The following RIMKLB variants were observed in gnomAD, a reference collection of about 807,000 sequenced individuals.
RIMKLB encodes ribosomal modification protein rimK like family member B.
RIMKLB carries 7 observed loss-of-function variants against 32.0 expected under a neutral mutation model. The observed-to-expected ratio is 0.22, with a 90% confidence interval of 0.12 to 0.41. The LOEUF is 0.41. Ranked by LOEUF, RIMKLB falls within the 10% of genes least tolerant of loss-of-function variation. The pLI, the probability that RIMKLB is intolerant of heterozygous loss-of-function variation, is 1.00. For missense variants in RIMKLB, 289 were observed against 498.7 expected (o/e 0.58, Z 4.00); for synonymous variants, 172 against 185.1 (o/e 0.93, Z 0.57).
chr12:8,692,763 A>G (rs1250756538), upstream of RIMKLB, among the ~76,000 whole-genome samples: 1 of 152,208 alleles, frequency 6.6e-6, no homozygotes, highest in Non-Finnish European at 1.5e-5. Flanking sequence ...AGGCTAGATC[A>G]GTGTTTAGCT....
chr12:8,702,438 A>G (rs1350187176), intron 1 of RIMKLB, among the ~76,000 whole-genome samples: 1 of 152,242 alleles, frequency 6.6e-6, no homozygotes, highest in Non-Finnish European at 1.5e-5. Context: ...GACAAAACAG[A>G]TTCAAACTTG....
At chr12:8,754,124 A>G in intron 5 of RIMKLB, 31 bp downstream of exon 5, 1 of 1,489,744 alleles carries the variant, frequency 6.7e-7, no homozygotes, top group South Asian at 1.1e-5. Flanking sequence ...TTTCTAGTAT[A>G]TAAAGTAACA....
intron 2 of RIMKLB, among the ~76,000 whole-genome samples, chr12:8,738,736 A>AC (rs1355647429): frequency 6.6e-6 from 1 of 152,116 alleles, no homozygotes; most frequent in East Asian, 1.9e-4. Context: ...GAGGAGTGAT[A>AC]CCCCCCGTCC....
At chr12:8,735,631 A>G (rs903179305) in intron 2 of RIMKLB, among the ~76,000 whole-genome samples, 10 of 152,106 alleles carry the variant, frequency 6.6e-5, no homozygotes, top group African/African-American at 2.4e-4. Context: ...TGGGTCAAAA[A>G]TTTTAAAACT....
chr12:8,779,952 A>G (rs1950937455), downstream of RIMKLB: 1 of 152,188 alleles, frequency 6.6e-6, no homozygotes, highest in South Asian at 2.1e-4. Context: ...TTTTTAAAAG[A>G]CTTAATGAAT....
At chr12:8,754,183 TTAA>T in intron 5 of RIMKLB, 90 bp downstream of exon 5, 2 of 940,484 alleles carry the variant, frequency 2.1e-6, no homozygotes, top group South Asian at 1.4e-5. Context: ...CTAGACCTTC[TTAA>T]TAAGTTGAAA....
Position 8,715,228 on chromosome 12 carries a change from C to CTTTTTTTTTTTTTT in RIMKLB, c.175+1192_175+1205dup, listed in dbSNP as rs61677474. On this transcript the variant is annotated intron_variant, in intron 2 of 5. Transcript: ENST00000535829. ...GCTTAAATGGATAAGTGCTCTTGTT[C>CTTTTTTTTTTTTTT]TTTTTTTTTTTTTTTTTTGGAGACA... 1.9e-4 allele frequency among the ~76,000 whole-genome samples: 24 copies of CTTTTTTTTTTTTTT among 123,736 alleles called. 1 individual carries two copies. Among genetic ancestry groups the CTTTTTTTTTTTTTT allele is most frequent in the African/African-American group, 7.6e-4 (23 of 30,318 alleles). 81.2% of individuals were successfully genotyped at this position (123,736 alleles called of 152,430 possible).
At chr12:8,683,787 G>T (rs908818143) in intron 1 of RIMKLB, among the ~76,000 whole-genome samples, 1 of 151,962 alleles carries the variant, frequency 6.6e-6, no homozygotes, top group South Asian at 2.1e-4. Context: ...CGCTCCTGCC[G>T]CCCAGGCTAG....
intron 1 of RIMKLB, among the ~76,000 whole-genome samples, chr12:8,690,800 G>A (rs1360373088): frequency 6.6e-6 from 1 of 152,196 alleles, no homozygotes; most frequent in Non-Finnish European, 1.5e-5. Context: ...GTGCATGCCT[G>A]TAATCCTAGC....
chr12:8,698,507 C>T (rs1287520746), intron 1 of RIMKLB, among the ~76,000 whole-genome samples: 1 of 152,034 alleles, frequency 6.6e-6, no homozygotes, highest in African/African-American at 2.4e-5. Context: ...CGGGGCCCGG[C>T]CTTCGCGCGT....
intron 1 of RIMKLB, among the ~76,000 whole-genome samples, chr12:8,703,296 A>AG: frequency 6.6e-6 from 1 of 152,066 alleles, no homozygotes; most frequent in African/African-American, 2.4e-5. Context: ...AAAAAAGAAA[A>AG]AGAAAAGAAA....
downstream of RIMKLB, among the ~76,000 whole-genome samples, chr12:8,782,183 AT>A (rs1951119663): frequency 6.6e-6 from 1 of 152,092 alleles, no homozygotes; most frequent in Non-Finnish European, 1.5e-5. Context: ...TTTTTCTGTA[AT>A]TTATTGTTAA....
intron 4 of RIMKLB, among the ~76,000 whole-genome samples, chr12:8,753,347 A>G (rs113753528): frequency 0.01 from 1,530 of 152,286 alleles, 22 homozygotes; most frequent in Middle Eastern, 0.02. Context: ...AGTGACATAG[A>G]TTCAGTATCC....
chr12:8,726,541 G>GTAGCATGGTATATC (rs1024952419), intron 2 of RIMKLB, among the ~76,000 whole-genome samples: 1 of 151,954 alleles, frequency 6.6e-6, no homozygotes, highest in Non-Finnish European at 1.5e-5. Context: ...TTTGGTTAGT[G>GTAGCATGGTATATC]TAGCATGGTA....
chr12:8,773,815 G>GT lies in RIMKLB; in HGVS notation c.*32dup. 1 of 1,564,120 alleles carries GT rather than the reference G, an allele frequency of 6.4e-7. No homozygotes were observed. Among genetic ancestry groups the GT allele is most frequent in the Non-Finnish European group, 8.7e-7 (1 of 1,154,886 alleles). Reference sequence around the variant, plus strand: ...CTGGTAATTAACCAACAAAACCCTTGTAAAACTTTCTTTCTTCTTTTCTAT... The same window carrying GT: ...CTGGTAATTAACCAACAAAACCCTTGTTAAAACTTTCTTTCTTCTTTTCTAT... On this transcript the variant is annotated 3_prime_UTR_variant, in exon 6 of 6. Coordinates refer to ENST00000535829, the MANE Select transcript of RIMKLB (RefSeq NM_001297776.2).
upstream of RIMKLB, among the ~76,000 whole-genome samples, chr12:8,695,494 T>G (rs763596303): frequency 6.6e-6 from 1 of 152,208 alleles, no homozygotes; most frequent in East Asian, 1.9e-4. Flanking sequence ...ATGTATGAAT[T>G]TGATCATTAC....
At chr12:8,707,871 A>C (rs755890666) in intron 1 of RIMKLB, among the ~76,000 whole-genome samples, 1 of 152,160 alleles carries the variant, frequency 6.6e-6, no homozygotes, top group African/African-American at 2.4e-5. Flanking sequence ...ACCTGATTCA[A>C]CTCCCGTGAT....
intron 5 of RIMKLB, among the ~76,000 whole-genome samples, chr12:8,759,201 A>G (rs1949318664): frequency 6.6e-6 from 1 of 152,100 alleles, no homozygotes; most frequent in Non-Finnish European, 1.5e-5. Context: ...GTTTGAGACC[A>G]AAGGGCAACA....
intron 2 of RIMKLB, among the ~76,000 whole-genome samples, chr12:8,724,638 T>C (rs1015132905): frequency 7.2e-5 from 11 of 152,190 alleles, no homozygotes; most frequent in African/African-American, 2.7e-4. Context: ...GAGTCTAGCT[T>C]CATAAGTGCT....
Sources: allele counts gnomAD v4.1 joint callset (sites outside exome capture counted in the v4.1 genomes callset), GRCh38; gene constraint gnomAD v4.1.1; transcripts MANE v1.5; gene names NCBI Gene and HGNC (gene_info 2026-07-23, HGNC 2026-07-21).